The following NUP107 variants were observed in gnomAD, a reference collection of about 807,000 sequenced individuals.
NUP107 encodes the protein nucleoporin 107.
A neutral mutation model predicts 141.0 loss-of-function variants in NUP107; 101 were observed. The ratio of observed to expected loss-of-function variants is 0.72; its 90% CI spans 0.61 to 0.84. The LOEUF (loss-of-function observed/expected upper bound fraction) is 0.84, where lower values mean the gene tolerates loss of function less well. Ranked by LOEUF, NUP107 falls within the 40% of genes least tolerant of loss-of-function variation. NUP107 has a pLI of 0.00. For synonymous variants in NUP107, 319 were observed against 363.9 expected (o/e 0.88, Z 1.41); for missense variants, 941 against 1,102.7 (o/e 0.85, Z 2.08).
chr12:68,690,538 A>C, intron 3 of NUP107, 93 bp from the exon 4 acceptor site: 1 of 1,531,728 alleles, frequency 6.5e-7, no homozygotes, highest in Non-Finnish European at 8.9e-7. Flanking sequence ...TGGAAAACTG[A>C]AAAATTTATT....
intron 8 of NUP107, chr12:68,705,532 T>TAAA (rs34838748): frequency 8.2e-4 from 172 of 209,526 alleles, no homozygotes; most frequent in East Asian, 1.2e-3. Flanking sequence ...AAGTATTCTT[T>TAAA]AAAAAAAAAA....
intron 12 of NUP107, among the ~76,000 whole-genome samples, chr12:68,717,398 G>A (rs924462753): frequency 2.6e-5 from 4 of 151,742 alleles, no homozygotes; most frequent in East Asian, 1.9e-4. Context: ...TTTTTTAATA[G>A]CAATTTGAGA....
At chr12:68,717,115 C>T (rs1179593309) in intron 12 of NUP107, among the ~76,000 whole-genome samples, 1 of 152,142 alleles carries the variant, frequency 6.6e-6, no homozygotes, top group East Asian at 1.9e-4. Context: ...CCAGGCTGGT[C>T]TCAAACTCCT....
At chr12:68,688,898 A>G (rs1565683915) in intron 1 of NUP107, 64 bp from the exon 2 acceptor site, 8 of 1,259,774 alleles carry the variant, frequency 6.4e-6, no homozygotes, top group East Asian at 4.8e-5. Flanking sequence ...AACTGTGATG[A>G]TAAAATTCTT....
Position 68,687,035 on chromosome 12 carries a change from A to C in NUP107, c.-31A>C. The stretch of plus-strand genomic sequence containing the variant: ...AAACGCGGTAGCTAAACTGCAGCCA[A>C]CTTTGGTTGTGTGTGGAAAAGGCTT... On this transcript the variant is annotated 5_prime_UTR_variant, in exon 1 of 28. Transcript: ENST00000229179. 2 of 1,614,118 alleles carry C rather than the reference A, an allele frequency of 1.2e-6. No homozygotes were observed. The highest frequency in any genetic ancestry group is 1.7e-6 in the Non-Finnish European group (2 of 1,179,968).
At chr12:68,705,320 T>C (rs1465277040) in intron 8 of NUP107, among the ~76,000 whole-genome samples, 11 of 152,118 alleles carry the variant, frequency 7.2e-5, no homozygotes. Flanking sequence ...TGACTGTTTT[T>C]CCATACTTTT....
Position 68,709,328 on chromosome 12 carries a change from AT to A in NUP107, c.801+28del, listed in dbSNP as rs572424756. On this transcript the variant is annotated intron_variant, in intron 9 of 27. Transcript: ENST00000229179. ...AAGTCAGGTATGACTAGAATTTAAA[AT>A]TTTTTTTTATGAAACATGGAGAAAA... 4.5e-3 allele frequency: 6,615 copies of A among 1,456,808 alleles called. 15 individuals are homozygous for A. The highest frequency in any genetic ancestry group is 0.012 in the Middle Eastern group (70 of 5,640). The allele number at this position is 1,456,808 out of a possible 1,614,324, so 90.2% of individuals were successfully genotyped here.
In NUP107 at chr12:68,732,705, GA is replaced by G. The variant is rs1456257562; in HGVS notation, c.2070del (p.Lys690AsnfsTer7). On this transcript the variant is annotated frameshift_variant, in exon 23 of 28. Transcript: ENST00000229179. LOFTEE classifies it high-confidence loss of function. ...FDPAQRAEAL[K>X]QGNAIMRKFL... ...ACCCAGCGCAGAGGGCAGAAGCACT[GA>G]AACAAGGCAATGCAATTATGAGAAA... 6.2e-7 allele frequency: 1 copy of G among 1,607,060 alleles called. No individual in the cohort carries two copies. The highest frequency in any genetic ancestry group is 1.7e-5 in the Admixed American group (1 of 59,914).
chr12:68,689,296 A>G (rs2135994605), intron 2 of NUP107, among the ~76,000 whole-genome samples: 1 of 152,326 alleles, frequency 6.6e-6, no homozygotes, highest in African/African-American at 2.4e-5. Context: ...ATTTCTTTTT[A>G]TTATTTGAAA....
chr12:68,722,260 C>T (rs1255295370), intron 17 of NUP107, 108 bp downstream of exon 17: 14 of 794,996 alleles, frequency 1.8e-5, no homozygotes, highest in Middle Eastern at 3.8e-4. Flanking sequence ...TTTTTCTCAC[C>T]TATTAAAATA....
intron 5 of NUP107, 104 bp downstream of exon 5, chr12:68,692,216 C>G (rs1682304570): frequency 3.3e-6 from 4 of 1,205,876 alleles, no homozygotes; most frequent in Non-Finnish European, 4.5e-6. Flanking sequence ...TCTTTTCTTT[C>G]TTTCTGTCTT....
At chr12:68,699,209 A>T (rs1447101389) in intron 6 of NUP107, among the ~76,000 whole-genome samples, 1 of 152,046 alleles carries the variant, frequency 6.6e-6, no homozygotes, top group African/African-American at 2.4e-5. Context: ...CATCTGTACT[A>T]AAAATGCAAA....
intron 1 of NUP107, 120 bp from the exon 2 acceptor site, chr12:68,688,842 G>C (rs1875633307): frequency 3.5e-6 from 2 of 577,566 alleles, no homozygotes; most frequent in South Asian, 5.7e-5. Flanking sequence ...CTAAGACTTG[G>C]CTACTAGAAT....
At position 68,734,766 on chromosome 12, in the gene NUP107, C is replaced by A. The variant is rs1181383149; in HGVS notation, c.2321C>A (p.Pro774His). 1.2e-6 allele frequency: 2 copies of A among 1,613,216 alleles called. No individual in the cohort carries two copies. Among genetic ancestry groups the A allele is most frequent in the Non-Finnish European group, 1.7e-6 (2 of 1,179,642 alleles). The change falls in exon 25 of 28, where the codon CCT becomes CAT. Residue 774 changes from proline (P) to histidine (H), a missense_variant. Coordinates refer to ENST00000229179, the MANE Select transcript of NUP107 (RefSeq NM_020401.4). Reference sequence around the variant, plus strand: ...CATATGAATTCAGTTCCACAAAAACCTGCTTTGATACCTCAACCAACTTTT... The same window carrying A: ...CATATGAATTCAGTTCCACAAAAACATGCTTTGATACCTCAACCAACTTTT... ...FKHMNSVPQKPALIPQPTFTE... is the reference protein window; with the variant it reads ...FKHMNSVPQKHALIPQPTFTE...
intron 26 of NUP107, among the ~76,000 whole-genome samples, chr12:68,738,765 AT>A (rs1369404330): frequency 6.6e-6 from 1 of 152,178 alleles, no homozygotes; most frequent in Non-Finnish European, 1.5e-5. Context: ...CCTCTAGCAC[AT>A]TCTAGTCCAA....
At chr12:68,711,350 C>T (rs901362177) in intron 10 of NUP107, among the ~76,000 whole-genome samples, 1 of 151,514 alleles carries the variant, frequency 6.6e-6, no homozygotes, top group African/African-American at 2.4e-5. Context: ...GACCCTGTCT[C>T]AAAAAATAAA....
At chr12:68,736,515 C>T (rs991079884) in intron 26 of NUP107, among the ~76,000 whole-genome samples, 1 of 152,032 alleles carries the variant, frequency 6.6e-6, no homozygotes, top group African/African-American at 2.4e-5. Flanking sequence ...CTTCTGGGCT[C>T]AAGCAGTCCT....
chr12:68,738,393 G>T (rs1485147006), intron 26 of NUP107, among the ~76,000 whole-genome samples: 1 of 151,476 alleles, frequency 6.6e-6, no homozygotes, highest in East Asian at 1.9e-4. Flanking sequence ...GGAGGTTTCA[G>T]TGAGCCAAGA....
chr12:68,743,454 T>A lies in NUP107; in HGVS notation c.*992T>A, dbSNP rs1878402362. On this transcript the variant is annotated 3_prime_UTR_variant, in exon 28 of 28. Transcript: ENST00000229179. ...TGAGCAGGAAGAACCTCTCTCCAGCTGAAAAGACTCTCAGGAAGTAGTATT... is the reference window on the plus strand; with the variant it reads ...TGAGCAGGAAGAACCTCTCTCCAGCAGAAAAGACTCTCAGGAAGTAGTATT... 6.6e-6 allele frequency: 1 copy of A among 152,190 alleles called. No homozygotes were observed. The highest frequency in any genetic ancestry group is 2.4e-5 in the African/African-American group (1 of 41,436). The allele number at this position is 152,190 out of a possible 1,614,324, so 9.4% of individuals were successfully genotyped here.
Sources: allele counts gnomAD v4.1 joint callset (sites outside exome capture counted in the v4.1 genomes callset), GRCh38; gene constraint gnomAD v4.1.1; transcripts MANE v1.5; gene names NCBI Gene and HGNC (gene_info 2026-07-23, HGNC 2026-07-21).